Variants in BCAS3 observed in about 807,000 individuals in gnomAD.
The protein encoded by BCAS3 is BCAS3 microtubule associated cell migration factor.
A neutral mutation model predicts 116.1 loss-of-function variants in BCAS3; 53 were observed. That is an observed-to-expected ratio of 0.46 (90% CI 0.37 to 0.57). The LOEUF (loss-of-function observed/expected upper bound fraction) is 0.57, where lower values mean the gene tolerates loss of function less well. Among genes scored for constraint, BCAS3 ranks in the 20% least tolerant of loss-of-function variants. The probability of loss-of-function intolerance (pLI) is 0.00; values close to 1 mark genes in which losing one functional copy is unlikely to be tolerated. For synonymous variants in BCAS3, 391 were observed against 408.2 expected (o/e 0.96, Z 0.51); for missense variants, 917 against 1,165.4 (o/e 0.79, Z 3.10).
At chr17:60,692,859 C>G (rs1239819320) in intron 4 of BCAS3, among the ~76,000 whole-genome samples, 2 of 50,284 alleles carry the variant, frequency 4.0e-5, no homozygotes, top group Admixed American at 2.8e-4. Flanking sequence ...CGCGCCACTG[C>G]ACTCCAGCCT....
At chr17:60,977,878 C>A (rs1167493551) in intron 14 of BCAS3, among the ~76,000 whole-genome samples, 1 of 144,820 alleles carries the variant, frequency 6.9e-6, no homozygotes, top group East Asian at 2.0e-4. Context: ...ATATGTGCCA[C>A]ATTTTCTTAA....
Position 60,918,884 on chromosome 17 carries a change from G to A in BCAS3, c.994-5523G>A, listed in dbSNP as rs530045278. 1.2e-4 allele frequency among the ~76,000 whole-genome samples: 19 copies of A among 152,044 alleles called. No homozygotes were observed. In the South Asian group the frequency reaches 3.5e-3, roughly 28 times the overall value. On this transcript the variant is annotated intron_variant, in intron 12 of 23. Transcript: ENST00000407086. The stretch of plus-strand genomic sequence containing the variant: ...ATTTTGTGTATTTTTTAGTAGAGAC[G>A]GAGTTTCACCATGTTAGCCAGGATG...
chr17:60,983,384 A>G (rs2062931369), intron 14 of BCAS3, among the ~76,000 whole-genome samples: 1 of 152,142 alleles, frequency 6.6e-6, no homozygotes, highest in African/African-American at 2.4e-5. Flanking sequence ...TAGTTAACTA[A>G]TAGCAACAGT....
rs568682177 is a variant in BCAS3, at chr17:61,148,485, C to T, written c.2425+63921C>T. Among the ~76,000 whole-genome samples, 49 of 152,290 alleles carry T rather than the reference C, an allele frequency of 3.2e-4. No individual in the cohort carries two copies. In the Middle Eastern group the frequency reaches 0.01, roughly 32 times the overall value. On this transcript the variant is annotated intron_variant, in intron 22 of 23. Coordinates refer to ENST00000407086, the MANE Select transcript of BCAS3 (RefSeq NM_017679.5). ...TACCTACATTTAAGGTTGCTGCTGC[C>T]GTTTCATTCCATGTTGCCAACTGCA...
At chr17:60,872,736 A>G (rs761180450) in intron 8 of BCAS3, among the ~76,000 whole-genome samples, 2 of 148,274 alleles carry the variant, frequency 1.3e-5, no homozygotes, top group Admixed American at 6.7e-5. Flanking sequence ...CACATACCTC[A>G]TATATATCTG....
chr17:60,682,919 A>G (rs1021097226), intron 2 of BCAS3, among the ~76,000 whole-genome samples: 3 of 152,240 alleles, frequency 2.0e-5, no homozygotes, highest in Admixed American at 6.5e-5. Context: ...CTTAATTAAC[A>G]GTGTTATTTT....
chr17:60,784,507 G>A (rs992430808), intron 6 of BCAS3, among the ~76,000 whole-genome samples: 17 of 150,986 alleles, frequency 1.1e-4, no homozygotes, highest in Non-Finnish European at 2.4e-4. Context: ...GTTTTACCAT[G>A]TTAGCCAGGA....
chr17:61,229,851 G>A lies in BCAS3; in HGVS notation c.2426-138476G>A, dbSNP rs772851532. 3.3e-5 allele frequency among the ~76,000 whole-genome samples: 5 copies of A among 152,226 alleles called. No homozygotes were observed. The highest frequency in any genetic ancestry group is 1.3e-4 in the Admixed American group (2 of 15,282). ...AATTATAAGATAGTGTTGGCTGGGCGCGATGGCTTACGCCTGTAATCCCAG... is the reference window on the plus strand; with the variant it reads ...AATTATAAGATAGTGTTGGCTGGGCACGATGGCTTACGCCTGTAATCCCAG... On this transcript the variant is annotated intron_variant, in intron 22 of 23. Coordinates refer to ENST00000407086, the MANE Select transcript of BCAS3 (RefSeq NM_017679.5). The surrounding 1 kb of genome is among the most constrained non-coding windows in gnomAD (Gnocchi z 4.4).
chr17:60,849,834 G>T (rs1434937701), intron 7 of BCAS3, among the ~76,000 whole-genome samples: 2 of 152,080 alleles, frequency 1.3e-5, no homozygotes, highest in African/African-American at 4.8e-5. Flanking sequence ...ATAGCACATT[G>T]TATGTAGTCT....
chr17:60,731,413 A>G (rs573124881), intron 5 of BCAS3, among the ~76,000 whole-genome samples: 1 of 152,228 alleles, frequency 6.6e-6, no homozygotes, highest in South Asian at 2.1e-4. Flanking sequence ...GGGTTTCGCC[A>G]TGTTGGCCAG....
At chr17:60,829,959 G>A (rs904652090) in intron 7 of BCAS3, among the ~76,000 whole-genome samples, 25 of 152,122 alleles carry the variant, frequency 1.6e-4, no homozygotes, top group African/African-American at 6.0e-4. Flanking sequence ...TCTCTTCCTA[G>A]TATTCAAATG....
Position 60,900,837 on chromosome 17 carries a change from G to A in BCAS3, c.739-1783G>A, listed in dbSNP as rs536385887. 8.6e-5 allele frequency among the ~76,000 whole-genome samples: 13 copies of A among 151,864 alleles called. No homozygotes were observed. The South Asian group carries it at 2.7e-3, about 32-fold the overall frequency. On this transcript the variant is annotated intron_variant, in intron 10 of 23. Coordinates refer to ENST00000407086, the MANE Select transcript of BCAS3 (RefSeq NM_017679.5). Reference sequence around the variant, plus strand: ...CAAGATACAAATGTAATTTTCTGATGATTCTAAATTTAGACCAAAATTTCT... The same window carrying A: ...CAAGATACAAATGTAATTTTCTGATAATTCTAAATTTAGACCAAAATTTCT...
intron 7 of BCAS3, among the ~76,000 whole-genome samples, chr17:60,862,542 G>A (rs984587719): frequency 3.3e-5 from 5 of 152,074 alleles, no homozygotes; most frequent in African/African-American, 7.2e-5. Context: ...AATTTTGGGA[G>A]GTTGTTGTGT....
In BCAS3 at chr17:61,186,172, A is replaced by G. The variant is rs998705162; in HGVS notation, c.2425+101608A>G. Among the ~76,000 whole-genome samples the G allele has an allele frequency of 3.9e-5, 6 of 152,170 alleles. No homozygotes were observed. Among genetic ancestry groups the G allele is most frequent in the African/African-American group, 1.2e-4 (5 of 41,450 alleles). ...TTAACATACGATAGCTTATTTATAT[A>G]TTCATACACATTCTATAAAATCATT... On this transcript the variant is annotated intron_variant, in intron 22 of 23. Coordinates refer to ENST00000407086, the MANE Select transcript of BCAS3 (RefSeq NM_017679.5). This position sits in a 1 kb window ranked among gnomAD's most constrained non-coding sequence, Gnocchi z 4.9.
At chr17:61,353,013 G>A (rs2057940070) in intron 22 of BCAS3, among the ~76,000 whole-genome samples, 2 of 152,196 alleles carry the variant, frequency 1.3e-5, no homozygotes, top group Non-Finnish European at 2.9e-5. Flanking sequence ...GCAGCTGAAG[G>A]CAATTTGAGG....
rs2144321662 is a variant in BCAS3, at chr17:61,208,963, C to G, written c.2425+124399C>G. Among the ~76,000 whole-genome samples, 4 of 151,942 alleles carry G rather than the reference C, an allele frequency of 2.6e-5. No individual in the cohort carries two copies. The South Asian group carries it at 8.3e-4, about 32-fold the overall frequency. On this transcript the variant is annotated intron_variant, in intron 22 of 23. Transcript: ENST00000407086. The surrounding 1 kb of genome is among the most constrained non-coding windows in gnomAD (Gnocchi z 4.5). ...ATGTACAGTTTCAGCAAAAGACACT[C>G]AGAATTATACCTCTGGTTGGTTCAA...
chr17:61,299,304 G>A (rs768871696), intron 22 of BCAS3, among the ~76,000 whole-genome samples: 4 of 151,626 alleles, frequency 2.6e-5, no homozygotes, highest in Non-Finnish European at 2.9e-5. Flanking sequence ...TTAGCCTGGC[G>A]TGGTGGTGGG....
chr17:61,305,329 C>G (rs2053768439), intron 22 of BCAS3, among the ~76,000 whole-genome samples: 1 of 152,122 alleles, frequency 6.6e-6, no homozygotes, highest in Non-Finnish European at 1.5e-5. Context: ...CAGAGTACCA[C>G]TCACAGCCTG....
Position 61,380,535 on chromosome 17 carries a change from T to A in BCAS3, c.2594-11442T>A, listed in dbSNP as rs749653693. 1.3e-6 allele frequency: 2 copies of A among 1,598,318 alleles called. No individual in the cohort carries two copies. The highest frequency in any genetic ancestry group is 1.7e-4 in the Middle Eastern group (1 of 6,060). On this transcript the variant is annotated intron_variant, in intron 23 of 23. Transcript: ENST00000407086. This position sits in a 1 kb window ranked among gnomAD's most constrained non-coding sequence, Gnocchi z 4.2. ...AGCCCTTGACGTAGCAGTAAAAACC[T>A]TCCCCCCTGAGAGACACGTGGCAGT...
Sources: gnomAD v4.1 joint callset for allele counts (sites outside exome capture counted in the v4.1 genomes callset) on GRCh38, gnomAD v4.1.1 for gene constraint, Gnocchi (gnomAD v3.1) non-coding constraint, MANE v1.5 for transcripts, NCBI Gene and HGNC (gene_info 2026-07-23, HGNC 2026-07-21) for gene names.